SMPX: variants seen among roughly 807,000 people sequenced by gnomAD.
SMPX encodes small muscle protein X-linked, also known as small muscular protein.
SMPX carries 2 observed loss-of-function variants against 6.3 expected under a neutral mutation model. The ratio of observed to expected loss-of-function variants is 0.32; its 90% CI spans 0.13 to 0.99. SMPX has a LOEUF of 0.99. Among genes scored for constraint, SMPX ranks in the 50% least tolerant of loss-of-function variants. SMPX has a pLI of 0.49. For missense variants in SMPX, 60 were observed against 66.8 expected, an observed-to-expected ratio of 0.90 and a Z score of 0.36; for synonymous variants, 32 against 24.7, an observed-to-expected ratio of 1.30 and a Z score of -0.88.
intron 4 of SMPX, among the ~76,000 whole-genome samples, chrX:21,732,583 T>C (rs752990797): frequency 1.1e-3 from 124 of 112,466 alleles, no homozygotes; most frequent in East Asian, 5.6e-3. Context: ...GTGTGCCTAA[T>C]ATGTATCATG....
intron 3 of SMPX, among the ~76,000 whole-genome samples, chrX:21,742,487 A>G (rs2092817137): frequency 8.9e-6 from 1 of 112,171 alleles, no homozygotes; most frequent in Non-Finnish European, 1.9e-5. Context: ...CCAGATGGAG[A>G]CCTCATGATC....
chrX:21,725,170 C>T (rs1360714990), intron 4 of SMPX, among the ~76,000 whole-genome samples: 2 of 111,478 alleles, frequency 1.8e-5, no homozygotes, highest in Non-Finnish European at 3.8e-5. Flanking sequence ...GAGAAAACAC[C>T]TCTGCAAGGT....
chrX:21,742,911 T>G (rs1442466884), intron 3 of SMPX, among the ~76,000 whole-genome samples: 1 of 112,786 alleles, frequency 8.9e-6, no homozygotes, highest in Admixed American at 9.4e-5. Context: ...TGGCTTTATT[T>G]GATTCCATTT....
At chrX:21,724,881 T>C (rs773027091) in intron 4 of SMPX, among the ~76,000 whole-genome samples, 7 of 112,398 alleles carry the variant, frequency 6.2e-5, no homozygotes, top group African/African-American at 2.3e-4. Context: ...AGAATGGACA[T>C]GGAAGGATTT....
chrX:21,741,359 A>G (rs1371001788), intron 3 of SMPX, among the ~76,000 whole-genome samples: 1 of 112,291 alleles, frequency 8.9e-6, no homozygotes, highest in African/African-American at 3.2e-5. Flanking sequence ...TAAGTCTACA[A>G]AATTAAGCAA....
chrX:21,743,424 CACACACGCAT>C (rs1274752004), intron 3 of SMPX, among the ~76,000 whole-genome samples: 1 of 71,861 alleles, frequency 1.4e-5, no homozygotes, highest in Non-Finnish European at 2.4e-5. Flanking sequence ...CGTGCACACA[CACACACGCAT>C]ACACACAATC....
chrX:21,753,332 T>C (rs2092829462), intron 2 of SMPX, among the ~76,000 whole-genome samples: 1 of 111,987 alleles, frequency 8.9e-6, no homozygotes, highest in South Asian at 3.8e-4. Flanking sequence ...CTAGGATTTC[T>C]AAACCCCTTG....
At chrX:21,706,933 C>A (rs919587325) in intron 4 of SMPX, among the ~76,000 whole-genome samples, 5 of 110,316 alleles carry the variant, frequency 4.5e-5, no homozygotes, top group African/African-American at 1.3e-4. Context: ...CTTCCCAGCC[C>A]TGCAGAATTG....
At chrX:21,744,947 G>A (rs1474653603) in intron 2 of SMPX, among the ~76,000 whole-genome samples, 1 of 111,694 alleles carries the variant, frequency 9.0e-6, no homozygotes, top group African/African-American at 3.3e-5. Context: ...CTGTTGCCAG[G>A]GGAATGCTTA....
intron 4 of SMPX, among the ~76,000 whole-genome samples, chrX:21,714,693 C>T (rs2092782313): frequency 8.9e-6 from 1 of 112,222 alleles, no homozygotes. Flanking sequence ...GATCACTTTC[C>T]TATTCATCTT....
At chrX:21,755,380 A>G (rs1040208651) in intron 1 of SMPX, among the ~76,000 whole-genome samples, 1 of 112,809 alleles carries the variant, frequency 8.9e-6, no homozygotes, top group Non-Finnish European at 1.9e-5. Context: ...TAACCTGGGC[A>G]ATGTCACTCA....
intron 2 of SMPX, among the ~76,000 whole-genome samples, chrX:21,748,802 T>G (rs1178927540): frequency 8.9e-6 from 1 of 112,753 alleles, no homozygotes; most frequent in Non-Finnish European, 1.9e-5. Flanking sequence ...GTTTTAAATT[T>G]AAATAAAATG....
chrX:21,744,381 C>T (rs936567554), intron 2 of SMPX, among the ~76,000 whole-genome samples: 10 of 111,838 alleles, frequency 8.9e-5, no homozygotes, highest in Non-Finnish European at 1.5e-4. Flanking sequence ...CCAACATGTA[C>T]TTGTGTGGGT....
chrX:21,714,069 G>T lies in SMPX; in HGVS notation c.*15-7675C>A, dbSNP rs144435373. On this transcript the variant is annotated intron_variant, in intron 4 of 4. Transcript: ENST00000379494. ...ACTGTATAAACCAACAAATCCACAGGGTTTTGTTCATTTGAGAAATACTAG... is the reference window on the plus strand; with the variant it reads ...ACTGTATAAACCAACAAATCCACAGTGTTTTGTTCATTTGAGAAATACTAG... 4.6e-3 allele frequency among the ~76,000 whole-genome samples: 515 copies of T among 111,264 alleles called. 2 individuals carry two copies. The highest frequency in any genetic ancestry group is 0.016 in the African/African-American group (502 of 30,555).
chrX:21,710,831 T>C (rs2092777900), intron 4 of SMPX, among the ~76,000 whole-genome samples: 1 of 111,586 alleles, frequency 9.0e-6, no homozygotes. Context: ...TTTGAGCACC[T>C]ACTACGTGCC....
intron 3 of SMPX, among the ~76,000 whole-genome samples, chrX:21,742,035 T>C (rs1285183763): frequency 3.6e-5 from 4 of 111,980 alleles, no homozygotes; most frequent in Admixed American, 2.8e-4. Flanking sequence ...AAAGTACCAG[T>C]TGGACAAAGA....
intron 4 of SMPX, among the ~76,000 whole-genome samples, chrX:21,737,124 CA>C (rs1367346394): frequency 9.0e-6 from 1 of 111,047 alleles, no homozygotes; most frequent in East Asian, 2.8e-4. Flanking sequence ...TTTATACTCC[CA>C]AACTTGTTCA....
At chrX:21,756,597 A>C (rs1490732259) in intron 1 of SMPX, among the ~76,000 whole-genome samples, 2 of 112,733 alleles carry the variant, frequency 1.8e-5, no homozygotes, top group African/African-American at 3.2e-5. Context: ...AATCAGGGCA[A>C]AGCATACTGA....
intron 4 of SMPX, among the ~76,000 whole-genome samples, chrX:21,721,775 C>T (rs933477313): frequency 2.7e-5 from 3 of 112,376 alleles, no homozygotes; most frequent in Non-Finnish European, 1.9e-5. Flanking sequence ...AGAATACAAA[C>T]GATGGTTCTC....
Sources: allele counts gnomAD v4.1 joint callset (sites outside exome capture counted in the v4.1 genomes callset), GRCh38; gene constraint gnomAD v4.1.1; transcripts MANE v1.5; gene names NCBI Gene and HGNC (gene_info 2026-07-23, HGNC 2026-07-21).